Variants in PHLPP2 observed in about 807,000 individuals in gnomAD.
PHLPP2 encodes the protein PH domain and leucine rich repeat protein phosphatase 2, also known as PH domain leucine-rich repeat-containing protein phosphatase 2.
A neutral mutation model predicts 124.9 loss-of-function variants in PHLPP2; 66 were observed. The ratio of observed to expected loss-of-function variants is 0.53; its 90% CI spans 0.43 to 0.65. The LOEUF (loss-of-function observed/expected upper bound fraction) is 0.65, where lower values mean the gene tolerates loss of function less well. PHLPP2 is among the 30% of genes least tolerant of loss of function. The pLI is 0.00. For missense variants in PHLPP2, 1,685 were observed against 1,600.4 expected, an observed-to-expected ratio of 1.05 and a Z score of -0.90; for synonymous variants, 681 against 624.7, an observed-to-expected ratio of 1.09 and a Z score of -1.34.
At chr16:71,702,505 G>T in intron 3 of PHLPP2, 93 bp downstream of exon 3, 1 of 1,081,350 alleles carries the variant, frequency 9.2e-7, no homozygotes, top group Non-Finnish European at 1.3e-6. Context: ...ACTAGCTTTT[G>T]ATAAAATACC....
intron 14 of PHLPP2, 123 bp from the exon 15 acceptor site, chr16:71,658,486 C>T: frequency 8.3e-7 from 1 of 1,205,150 alleles, no homozygotes; most frequent in Non-Finnish European, 1.1e-6. Context: ...GAATCCATTA[C>T]ATAAATTCTG....
chr16:71,652,259 AC>A (rs2044701821), intron 18 of PHLPP2, among the ~76,000 whole-genome samples: 1 of 152,254 alleles, frequency 6.6e-6, no homozygotes, highest in African/African-American at 2.4e-5. Flanking sequence ...TTTGTGATAA[AC>A]AATGTTCACA....
chr16:71,697,671 G>A (rs1209496659), intron 3 of PHLPP2, among the ~76,000 whole-genome samples: 1 of 152,116 alleles, frequency 6.6e-6, no homozygotes, highest in Non-Finnish European at 1.5e-5. Flanking sequence ...TGCAGAGAAT[G>A]CAGTACACAG....
intron 10 of PHLPP2, 88 bp from the exon 11 acceptor site, chr16:71,669,458 T>C: frequency 1.1e-6 from 1 of 931,400 alleles, no homozygotes; most frequent in Non-Finnish European, 1.7e-6. Flanking sequence ...TTAACCAGCC[T>C]GTGAGCCCTT....
In PHLPP2 at chr16:71,647,076, A is replaced by T. The variant is rs778101640; in HGVS notation, c.*1814T>A. 1.3e-5 allele frequency: 2 copies of T among 152,660 alleles called. No homozygotes were observed. The highest frequency in any genetic ancestry group is 2.9e-5 in the Non-Finnish European group (2 of 68,054). The allele number at this position is 152,660 out of a possible 1,614,324, so 9.5% of individuals were successfully genotyped here. A position where few individuals can be genotyped will look rare whatever the true frequency, so the allele number is the denominator to read the frequency against. ...TACACACGAAAATATATTTATATTT[A>T]ACCCTCTCTTTAACATAGTTTCTGA... On this transcript the variant is annotated 3_prime_UTR_variant, in exon 19 of 19. Transcript: ENST00000568954.
intron 3 of PHLPP2, among the ~76,000 whole-genome samples, chr16:71,699,888 C>T (rs974977449): frequency 3.0e-4 from 45 of 152,226 alleles, no homozygotes; most frequent in African/African-American, 1.1e-3. Flanking sequence ...TTCCTGCACT[C>T]GCTCTCCTAT....
At chr16:71,665,007 A>T (rs1390315093) in intron 12 of PHLPP2, among the ~76,000 whole-genome samples, 1 of 152,116 alleles carries the variant, frequency 6.6e-6, no homozygotes, top group African/African-American at 2.4e-5. Context: ...CTCTTGAAAG[A>T]GTATATGAAA....
intron 6 of PHLPP2, among the ~76,000 whole-genome samples, 168 bp downstream of exon 6, chr16:71,681,582 TG>T (rs1437630908): frequency 1.3e-5 from 2 of 152,148 alleles, no homozygotes; most frequent in African/African-American, 4.8e-5. Context: ...TTCTGTTTTA[TG>T]GGGGGAAAGG....
At chr16:71,666,283 A>C (rs1567615593) in intron 12 of PHLPP2, 1 of 152,280 alleles carries the variant, frequency 6.6e-6, no homozygotes, top group Non-Finnish European at 1.5e-5. Context: ...TGAGAGGCCA[A>C]GACAGGCAGA....
At chr16:71,698,590 G>A (rs1157984280) in intron 3 of PHLPP2, 7 of 624,720 alleles carry the variant, frequency 1.1e-5, no homozygotes, top group East Asian at 3.4e-5. Flanking sequence ...GTCCCTTAGA[G>A]CAACCCATAC....
At chr16:71,655,207 C>CT (rs1567612279) in intron 17 of PHLPP2, 33 bp downstream of exon 17, 1 of 1,454,146 alleles carries the variant, frequency 6.9e-7, no homozygotes, top group East Asian at 2.3e-5. Context: ...AAAAGTAGAA[C>CT]TGAGTTAGGG....
intron 7 of PHLPP2, among the ~76,000 whole-genome samples, 153 bp downstream of exon 7, chr16:71,679,236 A>G (rs948636717): frequency 2.0e-5 from 3 of 152,228 alleles, no homozygotes; most frequent in African/African-American, 7.2e-5. Context: ...ATGGGCAGGT[A>G]TATCTCTGAG....
At chr16:71,694,001 T>A (rs1328699308) in intron 3 of PHLPP2, among the ~76,000 whole-genome samples, 1 of 152,146 alleles carries the variant, frequency 6.6e-6, no homozygotes, top group Non-Finnish European at 1.5e-5. Context: ...AAGACCAGTC[T>A]GGCCAACATG....
chr16:71,679,907 C>T (rs893390136), intron 6 of PHLPP2, among the ~76,000 whole-genome samples: 1 of 151,952 alleles, frequency 6.6e-6, no homozygotes, highest in Non-Finnish European at 1.5e-5. Flanking sequence ...TTGGTGAAAC[C>T]CCATCTCTAC....
intron 13 of PHLPP2, among the ~76,000 whole-genome samples, chr16:71,663,151 G>A (rs1024476445): frequency 2.0e-5 from 3 of 152,050 alleles, no homozygotes; most frequent in South Asian, 2.1e-4. Flanking sequence ...TCACTCTGTC[G>A]CCCAGGCTGG....
At chr16:71,679,345 C>G (rs755460068) in intron 7 of PHLPP2, 44 bp downstream of exon 7, 1 of 1,575,390 alleles carries the variant, frequency 6.3e-7, no homozygotes, top group East Asian at 2.2e-5. Context: ...AGGCAAGTTC[C>G]TTATTCTGCA....
chr16:71,655,879 A>G (rs1309187353), intron 16 of PHLPP2, among the ~76,000 whole-genome samples: 6 of 152,238 alleles, frequency 3.9e-5, no homozygotes. Flanking sequence ...GTCCCTAGAC[A>G]TGATAATTAA....
intron 2 of PHLPP2, among the ~76,000 whole-genome samples, chr16:71,709,029 C>T (rs757215366): frequency 3.9e-5 from 6 of 152,066 alleles, no homozygotes; most frequent in Non-Finnish European, 7.4e-5. Flanking sequence ...TATAACCTAC[C>T]ATCAACTCTA....
In PHLPP2 at chr16:71,663,936, G is replaced by C; in HGVS notation, c.1948C>G (p.His650Asp). 1 of 1,614,130 alleles carries C rather than the reference G, an allele frequency of 6.2e-7. No individual in the cohort carries two copies. The highest frequency in any genetic ancestry group is 1.3e-5 in the African/African-American group (1 of 75,056). Residue 650 changes from histidine (H) to aspartate (D), a missense_variant, in exon 13 of 19, where the codon CAC becomes GAC. Coordinates refer to ENST00000568954, the MANE Select transcript of PHLPP2 (RefSeq NM_015020.3). ...GTCTGTAACTGATTGTTTGCAAGGT[G>C]CAAGATTCGCAGGTGCAGGTGCCCT... ...LVGHLHLRIL[H>D]LANNQLQTFP... is the part of the protein sequence containing the mutation.
Sources: gnomAD v4.1 joint callset for allele counts (sites outside exome capture counted in the v4.1 genomes callset) on GRCh38, gnomAD v4.1.1 for gene constraint, MANE v1.5 for transcripts, NCBI Gene and HGNC (gene_info 2026-07-23, HGNC 2026-07-21) for gene names.